PDGFC: variants seen among roughly 807,000 people sequenced by gnomAD.
The protein encoded by PDGFC is platelet-derived growth factor C.
A neutral mutation model predicts 35.5 loss-of-function variants in PDGFC; 12 were observed. The observed-to-expected ratio is 0.34, with a 90% CI of 0.22 to 0.55. The LOEUF (loss-of-function observed/expected upper bound fraction) is 0.55, where lower values mean the gene tolerates loss of function less well. PDGFC is among the 20% of genes least tolerant of loss of function. The probability of loss-of-function intolerance (pLI) is 0.91; values close to 1 mark genes in which losing one functional copy is unlikely to be tolerated. For missense variants in PDGFC, 322 were observed against 412.4 expected (o/e 0.78, Z 1.90); for synonymous variants, 159 against 148.8 (o/e 1.07, Z -0.50).
chr4:156,790,192 G>T (rs1454988744), intron 3 of PDGFC, among the ~76,000 whole-genome samples: 3 of 152,006 alleles, frequency 2.0e-5, no homozygotes, highest in Non-Finnish European at 2.9e-5. Flanking sequence ...TAATTTAATG[G>T]GTTGTTTTGC....
At position 156,971,108 on chromosome 4, in the gene PDGFC, A is replaced by C. The variant is rs1732582707; in HGVS notation, c.-205T>G. Reference sequence around the variant, plus strand: ...CTCTTCTGTGTCTCCAGTTTTTGAAAAGGATCAAAGCAAAACCTGGACCTG... The same window carrying C: ...CTCTTCTGTGTCTCCAGTTTTTGAACAGGATCAAAGCAAAACCTGGACCTG... On this transcript the variant is annotated 5_prime_UTR_variant, in exon 1 of 6. Coordinates refer to ENST00000502773, the MANE Select transcript of PDGFC (RefSeq NM_016205.3). The C allele has an allele frequency of 7.3e-6, 4 of 550,878 alleles. No individual in the cohort carries two copies. The highest frequency in any genetic ancestry group is 3.8e-5 in the African/African-American group (2 of 53,318). The allele number at this position is 550,878 out of a possible 1,614,324, so 34.1% of individuals were successfully genotyped here. A position where few individuals can be genotyped will look rare whatever the true frequency, so the allele number is the denominator to read the frequency against.
intron 1 of PDGFC, among the ~76,000 whole-genome samples, chr4:156,916,483 A>G (rs1022307511): frequency 6.6e-6 from 1 of 152,170 alleles, no homozygotes. Context: ...CTTCCTTCTG[A>G]CAAGATGTCA....
intron 1 of PDGFC, among the ~76,000 whole-genome samples, chr4:156,859,061 A>T (rs990001125): frequency 1.3e-5 from 2 of 152,060 alleles, no homozygotes; most frequent in Non-Finnish European, 2.9e-5. Flanking sequence ...CAAATTTACT[A>T]TTTCATAGAA....
At chr4:156,921,093 A>C (rs1731266980) in intron 1 of PDGFC, among the ~76,000 whole-genome samples, 1 of 152,268 alleles carries the variant, frequency 6.6e-6, no homozygotes, top group South Asian at 2.1e-4. Flanking sequence ...GCAGTCAAAA[A>C]ATTTTAAGAT....
chr4:156,890,550 T>C (rs1204264975), intron 1 of PDGFC, among the ~76,000 whole-genome samples: 3 of 152,152 alleles, frequency 2.0e-5, no homozygotes, highest in Non-Finnish European at 4.4e-5. Context: ...CTCCATCCCA[T>C]CATCACCTTA....
At chr4:156,840,764 C>T (rs982523066) in intron 2 of PDGFC, among the ~76,000 whole-genome samples, 7 of 152,156 alleles carry the variant, frequency 4.6e-5, no homozygotes, top group African/African-American at 1.2e-4. Flanking sequence ...CAAGGCCATG[C>T]GAGTTCACGT....
chr4:156,824,317 T>TACAC (rs1165371518), intron 2 of PDGFC, among the ~76,000 whole-genome samples: 4,417 of 92,860 alleles, frequency 0.048, 271 homozygotes, highest in African/African-American at 0.14. Flanking sequence ...TATATATATA[T>TACAC]ATATATATAT....
chr4:156,937,331 A>C (rs562778099), intron 1 of PDGFC, among the ~76,000 whole-genome samples: 1 of 152,292 alleles, frequency 6.6e-6, no homozygotes, highest in South Asian at 2.1e-4. Flanking sequence ...CGCAAACCCA[A>C]TATGAGGTAT....
At chr4:156,786,314 A>C (rs181186327) in intron 3 of PDGFC, among the ~76,000 whole-genome samples, 73 of 152,338 alleles carry the variant, frequency 4.8e-4, no homozygotes, top group Middle Eastern at 3.4e-3. Flanking sequence ...GTTAGATGGT[A>C]AAGTGTATTG....
chr4:156,783,832 T>C lies in PDGFC; in HGVS notation c.496-10939A>G, dbSNP rs1001979793. 6.6e-5 allele frequency among the ~76,000 whole-genome samples: 10 copies of C among 152,124 alleles called. No homozygotes were observed. In the East Asian group the frequency reaches 7.7e-4, roughly 12 times the overall value. On this transcript the variant is annotated intron_variant, in intron 3 of 5. Coordinates refer to ENST00000502773, the MANE Select transcript of PDGFC (RefSeq NM_016205.3). Reference sequence around the variant, plus strand: ...TTTATGATCTGATTGATTACCACCATTGAGGAAAACAAATGAAAAGAAGGG... The same window carrying C: ...TTTATGATCTGATTGATTACCACCACTGAGGAAAACAAATGAAAAGAAGGG...
At position 156,850,220 on chromosome 4, in the gene PDGFC, C is replaced by G; in HGVS notation, c.314+1G>C. 6.6e-7 allele frequency: 1 copy of G among 1,521,420 alleles called. No individual in the cohort carries two copies. Among genetic ancestry groups the G allele is most frequent in the Non-Finnish European group, 8.9e-7 (1 of 1,122,866 alleles). The allele number at this position is 1,521,420 out of a possible 1,614,324, so 94.2% of individuals were successfully genotyped here. A position where few individuals can be genotyped will look rare whatever the true frequency, so the allele number is the denominator to read the frequency against. ...TTGGGATTTCAAGTATGATCACTTA[C>G]TTGCATATGTCATCTTCTGGGTCTT... On this transcript the variant is annotated splice_donor_variant, in intron 2 of 5. Coordinates refer to ENST00000502773, the MANE Select transcript of PDGFC (RefSeq NM_016205.3). LOFTEE classifies it high-confidence loss of function.
chr4:156,843,660 C>T (rs1729258445), intron 2 of PDGFC, among the ~76,000 whole-genome samples: 2 of 152,012 alleles, frequency 1.3e-5, no homozygotes, highest in African/African-American at 2.4e-5. Context: ...TTTTTCCTGC[C>T]ATCATGAACA....
intron 2 of PDGFC, among the ~76,000 whole-genome samples, chr4:156,821,076 G>C (rs1048769484): frequency 6.6e-6 from 1 of 152,140 alleles, no homozygotes; most frequent in Non-Finnish European, 1.5e-5. Context: ...ACAGAGGCTA[G>C]AAGAGCCTGG....
intron 1 of PDGFC, among the ~76,000 whole-genome samples, chr4:156,859,661 T>TA (rs1729662959): frequency 6.6e-6 from 1 of 152,080 alleles, no homozygotes; most frequent in African/African-American, 2.4e-5. Flanking sequence ...TCCCAACCTG[T>TA]AACAATTTTT....
At chr4:156,787,994 C>T (rs986299683) in intron 3 of PDGFC, among the ~76,000 whole-genome samples, 16 of 152,124 alleles carry the variant, frequency 1.1e-4, no homozygotes, top group African/African-American at 3.4e-4. Context: ...TGCCGAATGT[C>T]TGGACAGTAG....
At chr4:156,810,368 C>A (rs1579023675) in intron 3 of PDGFC, among the ~76,000 whole-genome samples, 1 of 151,992 alleles carries the variant, frequency 6.6e-6, no homozygotes, top group East Asian at 1.9e-4. Flanking sequence ...CAATTTATAA[C>A]ATACACAATT....
At chr4:156,833,890 G>A (rs2111031474) in intron 2 of PDGFC, among the ~76,000 whole-genome samples, 1 of 152,204 alleles carries the variant, frequency 6.6e-6, no homozygotes, top group South Asian at 2.1e-4. Context: ...TTCAAGGCTT[G>A]GCAAATAGTA....
intron 1 of PDGFC, among the ~76,000 whole-genome samples, chr4:156,964,769 C>T (rs1044335130): frequency 1.3e-5 from 2 of 152,134 alleles, no homozygotes; most frequent in Non-Finnish European, 2.9e-5. Flanking sequence ...TCAACTTCTG[C>T]TCTCTAGGCC....
intron 1 of PDGFC, among the ~76,000 whole-genome samples, chr4:156,920,824 G>A (rs1731258399): frequency 6.6e-6 from 1 of 152,110 alleles, no homozygotes; most frequent in Admixed American, 6.6e-5. Context: ...TGCATGGTTT[G>A]GTAGATGGTT....
Sources: gnomAD v4.1 joint callset for allele counts (sites outside exome capture counted in the v4.1 genomes callset) on GRCh38, gnomAD v4.1.1 for gene constraint, MANE v1.5 for transcripts, NCBI Gene and HGNC (gene_info 2026-07-23, HGNC 2026-07-21) for gene names.